TTC7A: variants seen among roughly 807,000 people sequenced by gnomAD.
TTC7A encodes the protein tetratricopeptide repeat protein 7A.
Under a neutral mutation model 103.7 loss-of-function variants are expected in TTC7A, and 110 were observed. That is an observed-to-expected ratio of 1.06 (90% CI 0.91 to 1.24). The LOEUF (loss-of-function observed/expected upper bound fraction) is 1.24. Ranked by LOEUF, TTC7A falls within the 50% of genes most tolerant of loss-of-function variation. TTC7A has a pLI of 0.00. For synonymous variants in TTC7A, 521 were observed against 467.9 expected, an observed-to-expected ratio of 1.11 and a Z score of -1.47; for missense variants, 1,340 against 1,116.3, an observed-to-expected ratio of 1.20 and a Z score of -2.86.
At chr2:46,978,767 G>T (rs1442840415) in intron 4 of TTC7A, 25 bp from the exon 5 acceptor site, 1 of 1,594,618 alleles carries the variant, frequency 6.3e-7, no homozygotes, top group Non-Finnish European at 8.6e-7. Flanking sequence ...TGAGACAATG[G>T]CTCTCTCTCT....
rs934066988 is a variant in TTC7A, at chr2:47,066,408, A to C, written c.2355+5437A>C. On this transcript the variant is annotated intron_variant, in intron 19 of 19. Transcript: ENST00000319190. ...TCCCAAGGCGGGACCTGAGTCACTG[A>C]GGGCCAGAGCTCTGCCCATCCAAGC... Among the ~76,000 whole-genome samples the C allele has an allele frequency of 3.9e-5, 6 of 152,100 alleles. No individual in the cohort carries two copies. The South Asian group carries it at 1.2e-3, about 32-fold the overall frequency.
rs778271393 is a variant in TTC7A at position 47,021,919 on chromosome 2, G to A, written c.1450G>A (p.Glu484Lys). 1.2e-6 allele frequency: 2 copies of A among 1,614,164 alleles called. No homozygotes were observed. Among genetic ancestry groups the A allele is most frequent in the South Asian group, 1.1e-5 (1 of 91,084 alleles). The change falls in exon 12 of 20, where the codon GAG (glutamate) becomes AAG (lysine). Residue 484 changes from glutamate (E) to lysine (K), a missense_variant. Transcript: ENST00000319190. ...GATCAGCCTCGGAGAGGAAGCCGGG[G>A]AGTTCCTCCCCAAGGGCTACCTGGC... ...MVISLGEEAG[E>K]FLPKGYLALG... is the part of the protein sequence containing the mutation.
intron 2 of TTC7A, among the ~76,000 whole-genome samples, chr2:46,931,723 T>TAAATAAAA (rs1406473779): frequency 1.3e-5 from 2 of 151,544 alleles, no homozygotes; most frequent in East Asian, 1.9e-4. Flanking sequence ...AATAAATAAA[T>TAAATAAAA]AAAATTGATA....
At chr2:46,954,615 A>C (rs1384990916) in intron 2 of TTC7A, among the ~76,000 whole-genome samples, 1 of 126,794 alleles carries the variant, frequency 7.9e-6, no homozygotes, top group African/African-American at 3.2e-5. Flanking sequence ...TCTGTCACCC[A>C]GGCTGGAGTA....
chr2:47,028,486 G>A (rs755537697), intron 14 of TTC7A, among the ~76,000 whole-genome samples: 1 of 152,176 alleles, frequency 6.6e-6, no homozygotes, highest in African/African-American at 2.4e-5. Flanking sequence ...AGCAGCTGGG[G>A]CCTGCCCTCT....
chr2:46,996,984 GT>G (rs1277557235), intron 8 of TTC7A, among the ~76,000 whole-genome samples: 1 of 151,984 alleles, frequency 6.6e-6, no homozygotes, highest in African/African-American at 2.4e-5. Flanking sequence ...TGTTGTTGTT[GT>G]TGTTGTTTTT....
At chr2:46,998,981 G>T (rs1037294634) in intron 8 of TTC7A, among the ~76,000 whole-genome samples, 1 of 152,050 alleles carries the variant, frequency 6.6e-6, no homozygotes, top group African/African-American at 2.4e-5. Flanking sequence ...TTGGGTCTTC[G>T]GAGCCAAAAT....
At chr2:47,033,057 C>T (rs1362961394) in intron 15 of TTC7A, among the ~76,000 whole-genome samples, 1 of 151,954 alleles carries the variant, frequency 6.6e-6, no homozygotes, top group Non-Finnish European at 1.5e-5. Context: ...GCATAGAAAC[C>T]CATGGATTAG....
At chr2:47,050,194 G>C in intron 17 of TTC7A, 148 bp downstream of exon 17, 2 of 668,390 alleles carry the variant, frequency 3.0e-6, no homozygotes, top group South Asian at 3.5e-5. Flanking sequence ...AACTTCTGGG[G>C]CTGATCTTGG....
chr2:47,056,666 A>AG (rs1683344422), intron 18 of TTC7A, among the ~76,000 whole-genome samples: 1 of 152,236 alleles, frequency 6.6e-6, no homozygotes, highest in Non-Finnish European at 1.5e-5. Context: ...GCAAAGCTCC[A>AG]GGGAACAGAT....
intron 18 of TTC7A, among the ~76,000 whole-genome samples, chr2:47,056,768 C>G (rs1001787255): frequency 2.0e-5 from 3 of 152,102 alleles, no homozygotes; most frequent in Admixed American, 6.6e-5. Context: ...GACAGACAAG[C>G]AAGAGAAGAG....
chr2:46,981,560 G>A (rs6544945), intron 5 of TTC7A, among the ~76,000 whole-genome samples: 1 of 152,130 alleles, frequency 6.6e-6, no homozygotes. Context: ...GGCCAAATAA[G>A]TTTGGGAAAC....
intron 2 of TTC7A, among the ~76,000 whole-genome samples, chr2:46,930,361 A>T (rs1390363572): frequency 6.6e-6 from 1 of 151,816 alleles, no homozygotes; most frequent in Non-Finnish European, 1.5e-5. Context: ...TTCTACGAAC[A>T]CTTAAAAGAT....
At chr2:46,976,192 A>G (rs780545750) in intron 4 of TTC7A, among the ~76,000 whole-genome samples, 3 of 152,254 alleles carry the variant, frequency 2.0e-5, no homozygotes, top group Non-Finnish European at 4.4e-5. Flanking sequence ...CATTCATTCT[A>G]TAATTTAACC....
At chr2:46,962,562 T>C (rs771149699) in intron 3 of TTC7A, among the ~76,000 whole-genome samples, 115 of 152,336 alleles carry the variant, frequency 7.5e-4, no homozygotes, top group Non-Finnish European at 1.5e-3. Context: ...GAGCAAAGCA[T>C]GCTCCTGGAG....
chr2:46,928,496 GTGT>G (rs1669524159), intron 2 of TTC7A, among the ~76,000 whole-genome samples: 1 of 148,898 alleles, frequency 6.7e-6, no homozygotes, highest in Non-Finnish European at 1.5e-5. Context: ...CTTGGGCCAT[GTGT>G]GGTGGCTCAC....
intron 19 of TTC7A, among the ~76,000 whole-genome samples, chr2:47,062,663 A>G (rs1379277506): frequency 2.0e-5 from 3 of 152,156 alleles, no homozygotes; most frequent in Non-Finnish European, 2.9e-5. Flanking sequence ...AGCCCTGAAA[A>G]CCCAACAGAA....
chr2:47,001,587 T>G (rs1339436752), intron 8 of TTC7A, among the ~76,000 whole-genome samples: 1 of 152,078 alleles, frequency 6.6e-6, no homozygotes, highest in Non-Finnish European at 1.5e-5. Context: ...CCGGGAGCGG[T>G]GGCTCACGCC....
chr2:47,024,236 T>C, intron 13 of TTC7A, 51 bp from the exon 14 acceptor site: 1 of 1,499,288 alleles, frequency 6.7e-7, no homozygotes, highest in Non-Finnish European at 9.1e-7. Context: ...GAGTCACACG[T>C]TGGTCACTCA....
Sources: allele counts gnomAD v4.1 joint callset (sites outside exome capture counted in the v4.1 genomes callset), GRCh38; gene constraint gnomAD v4.1.1; transcripts MANE v1.5; gene names NCBI Gene and HGNC (gene_info 2026-07-23, HGNC 2026-07-21).